Variants in PCDH15 observed in about 807,000 individuals in gnomAD.
The protein encoded by PCDH15 is protocadherin related 15.
PCDH15 carries 129 observed loss-of-function variants against 178.5 expected under a neutral mutation model. That is an observed-to-expected ratio of 0.72 (90% CI 0.63 to 0.84). The LOEUF is 0.84. Ranked by LOEUF, PCDH15 falls within the 40% of genes least tolerant of loss-of-function variation. The pLI, the probability that PCDH15 is intolerant of heterozygous loss-of-function variation, is 0.00. For synonymous variants in PCDH15, 800 were observed against 732.0 expected (o/e 1.09, Z -1.50); for missense variants, 2,230 against 2,099.9 (o/e 1.06, Z -1.21).
At chr10:54,307,043 TA>T (rs2060540731) in intron 8 of PCDH15, among the ~76,000 whole-genome samples, 1 of 8,454 alleles carries the variant, frequency 1.2e-4, no homozygotes, top group East Asian at 3.6e-3. Context: ...TGTGTGTGTA[TA>T]TATATATATA....
intron 2 of PCDH15, among the ~76,000 whole-genome samples, chr10:55,040,582 C>T (rs1044113544): frequency 6.6e-6 from 1 of 152,026 alleles, no homozygotes; most frequent in African/African-American, 2.4e-5. Context: ...ATTTTCTTGT[C>T]CTCTTTTTCC....
At chr10:54,515,416 C>A (rs1404782066) in intron 3 of PCDH15, among the ~76,000 whole-genome samples, 1 of 152,172 alleles carries the variant, frequency 6.6e-6, no homozygotes, top group East Asian at 1.9e-4. Flanking sequence ...AGGCGGCAGA[C>A]AGGCTGGGGG....
intron 1 of PCDH15, among the ~76,000 whole-genome samples, chr10:54,737,946 G>A (rs953609004): frequency 5.9e-5 from 9 of 152,020 alleles, no homozygotes; most frequent in Admixed American, 2.0e-4. Flanking sequence ...ATGTTTACTC[G>A]GGTGGCCAGG....
At chr10:54,711,137 C>A (rs2095424532) in intron 1 of PCDH15, among the ~76,000 whole-genome samples, 1 of 152,002 alleles carries the variant, frequency 6.6e-6, no homozygotes, top group Admixed American at 6.6e-5. Context: ...GCTGTCACAA[C>A]TCAGGCTATT....
chr10:54,286,950 A>G (rs187633353), intron 8 of PCDH15, among the ~76,000 whole-genome samples: 8 of 152,298 alleles, frequency 5.3e-5, no homozygotes, highest in Admixed American at 5.2e-4. Flanking sequence ...GTCTATCATT[A>G]TATTTTCTCA....
chr10:54,159,218 C>G (rs1326796564), intron 13 of PCDH15, among the ~76,000 whole-genome samples: 3 of 151,984 alleles, frequency 2.0e-5, no homozygotes, highest in African/African-American at 7.3e-5. Context: ...AGTAAAAGTC[C>G]CTTATTTTCC....
chr10:54,972,631 C>T lies in PCDH15; in HGVS notation c.-79-75131G>A, dbSNP rs549432082. Among the ~76,000 whole-genome samples, 9 of 151,834 alleles carry T rather than the reference C, an allele frequency of 5.9e-5. No homozygotes were observed. In the South Asian group the frequency reaches 1.0e-3, roughly 18 times the overall value. On this transcript the variant is annotated intron_variant, in intron 2 of 5. Transcript: ENST00000458638. ...TTGGGAGGCCAAGGCAGGCATATCA[C>T]GAGGTCAGGAGATCGAAACCATCCT...
At chr10:54,873,409 T>C (rs573828243) in intron 3 of PCDH15, among the ~76,000 whole-genome samples, 3 of 151,508 alleles carry the variant, frequency 2.0e-5, no homozygotes, top group Non-Finnish European at 2.9e-5. Context: ...TCTTCCCATA[T>C]GTCCTCCGCA....
intron 3 of PCDH15, among the ~76,000 whole-genome samples, chr10:54,851,064 T>A (rs1389319503): frequency 2.6e-5 from 4 of 152,180 alleles, no homozygotes; most frequent in Non-Finnish European, 4.4e-5. Context: ...ATAAATATGA[T>A]CTTTTGATTT....
chr10:54,047,450 T>G (rs190317470), intron 18 of PCDH15, among the ~76,000 whole-genome samples: 3 of 152,048 alleles, frequency 2.0e-5, no homozygotes, highest in African/African-American at 7.2e-5. Context: ...ATGTGTAGGT[T>G]TCATAGAAGG....
At chr10:54,519,535 A>C (rs1164018071) in intron 3 of PCDH15, among the ~76,000 whole-genome samples, 2 of 152,218 alleles carry the variant, frequency 1.3e-5, no homozygotes, top group African/African-American at 4.8e-5. Context: ...AAGGAGAACT[A>C]CAAACCACTG....
intron 1 of PCDH15, among the ~76,000 whole-genome samples, chr10:54,753,898 T>TG (rs1330720543): frequency 2.6e-5 from 1 of 37,920 alleles, no homozygotes; most frequent in Non-Finnish European, 7.5e-5. Flanking sequence ...GTTTGTGTTT[T>TG]TTTTTTTTTT....
At chr10:55,305,997 AAAC>A (rs1843414055) in intron 1 of PCDH15, among the ~76,000 whole-genome samples, 1 of 152,234 alleles carries the variant, frequency 6.6e-6, no homozygotes, top group African/African-American at 2.4e-5. Flanking sequence ...TTACATTTAA[AAAC>A]AACTTTAGCC....
At chr10:55,092,814 A>G (rs1420595857) in intron 2 of PCDH15, among the ~76,000 whole-genome samples, 1 of 152,012 alleles carries the variant, frequency 6.6e-6, no homozygotes, top group Non-Finnish European at 1.5e-5. Flanking sequence ...TTAACAAAAT[A>G]CATAATCTAG....
chr10:55,050,650 T>C (rs1317815097), intron 2 of PCDH15, among the ~76,000 whole-genome samples: 1 of 152,088 alleles, frequency 6.6e-6, no homozygotes, highest in African/African-American at 2.4e-5. Context: ...GCATATCCTC[T>C]ACATTGAGGA....
At chr10:54,974,040 T>TTC (rs72538027) in intron 2 of PCDH15, among the ~76,000 whole-genome samples, 36 of 144,274 alleles carry the variant, frequency 2.5e-4, no homozygotes, top group Admixed American at 1.5e-3. Flanking sequence ...CTCTCCTTCC[T>TTC]TCTCTCTCTC....
At chr10:54,132,554 C>A (rs2042525634) in intron 15 of PCDH15, among the ~76,000 whole-genome samples, 1 of 152,190 alleles carries the variant, frequency 6.6e-6, no homozygotes, top group South Asian at 2.1e-4. Flanking sequence ...TAATAGTCAG[C>A]TGCAGACTCT....
chr10:54,452,233 G>C (rs1428562574), intron 3 of PCDH15, among the ~76,000 whole-genome samples: 5 of 151,890 alleles, frequency 3.3e-5, no homozygotes, highest in Non-Finnish European at 7.4e-5. Flanking sequence ...AATACTAAGT[G>C]CTTTCACATA....
chr10:55,615,476 T>G lies in PCDH15; in HGVS notation c.-156+12149A>C, dbSNP rs1589188590. Among the ~76,000 whole-genome samples, 12 of 152,298 alleles carry G rather than the reference T, an allele frequency of 7.9e-5. No homozygotes were observed. The South Asian group carries it at 2.5e-3, about 32-fold the overall frequency. ...ATAAAACAGCAATAAATGGGATAATTTATATTACTGCAACAAAATGCAAAT... is the reference window on the plus strand; with the variant it reads ...ATAAAACAGCAATAAATGGGATAATGTATATTACTGCAACAAAATGCAAAT... On this transcript the variant is annotated intron_variant, in intron 2 of 5. Transcript: ENST00000613346.
Sources: allele counts gnomAD v4.1 joint callset (sites outside exome capture counted in the v4.1 genomes callset), GRCh38; gene constraint gnomAD v4.1.1; transcripts MANE v1.5; gene names NCBI Gene and HGNC (gene_info 2026-07-23, HGNC 2026-07-21).